The following RAB43 variants were observed in gnomAD, a reference collection of about 807,000 sequenced individuals.
RAB43 encodes RAB43, member RAS oncogene family, also known as ras-related protein Rab-43.
Under a neutral mutation model 18.8 loss-of-function variants are expected in RAB43, and 6 were observed. The ratio of observed to expected loss-of-function variants is 0.32; its 90% confidence interval spans 0.17 to 0.63. The LOEUF is 0.63. RAB43 is among the 30% of genes least tolerant of loss of function. The probability of loss-of-function intolerance (pLI) is 0.79; values close to 1 mark genes in which losing one functional copy is unlikely to be tolerated. For missense variants in RAB43, 195 were observed against 289.1 expected (o/e 0.67, Z 2.36); for synonymous variants, 103 against 124.1 (o/e 0.83, Z 1.13).
intron 1 of RAB43, among the ~76,000 whole-genome samples, chr3:129,104,042 CA>C (rs1934600374): frequency 6.6e-6 from 1 of 152,208 alleles, no homozygotes; most frequent in African/African-American, 2.4e-5. Context: ...TAGTTTTCTG[CA>C]ATCTGCATAG....
rs1207835581 is a variant in RAB43 at position 129,090,946 on chromosome 3, G to T, written c.*150C>A. On this transcript the variant is annotated 3_prime_UTR_variant, in exon 3 of 3. Transcript: ENST00000315150. Reference sequence around the variant, plus strand: ...CTTCCTCAAGGAGAGCCTCCATCCCGCAGCCAGGCCACAGGATGCAGAGCT... The same window carrying T: ...CTTCCTCAAGGAGAGCCTCCATCCCTCAGCCAGGCCACAGGATGCAGAGCT... The T allele has an allele frequency of 7.0e-6, 4 of 568,634 alleles. No individual in the cohort carries two copies. Among genetic ancestry groups the T allele is most frequent in the Middle Eastern group, 4.6e-4 (1 of 2,178 alleles). The allele number at this position is 568,634 out of a possible 1,614,324, so 35.2% of individuals were successfully genotyped here.
intron 2 of RAB43, among the ~76,000 whole-genome samples, chr3:129,092,011 T>C (rs1933699285): frequency 6.7e-6 from 1 of 149,892 alleles, no homozygotes; most frequent in Non-Finnish European, 1.5e-5. Context: ...TGAGCCGAGA[T>C]TGTGCCACTG....
intron 1 of RAB43, among the ~76,000 whole-genome samples, chr3:129,118,229 CTCTG>C (rs1935675408): frequency 6.6e-6 from 1 of 152,202 alleles, no homozygotes; most frequent in Non-Finnish European, 1.5e-5. Flanking sequence ...AGAGATGGGC[CTCTG>C]TCTGCCTCTC....
intron 1 of RAB43, among the ~76,000 whole-genome samples, chr3:129,110,198 T>A (rs1390095898): frequency 6.6e-6 from 1 of 152,158 alleles, no homozygotes; most frequent in Non-Finnish European, 1.5e-5. Flanking sequence ...AATTTAAACA[T>A]GAATTTAAAA....
chr3:129,119,283 C>T (rs374365424), intron 1 of RAB43, among the ~76,000 whole-genome samples: 54 of 152,342 alleles, frequency 3.5e-4, no homozygotes, highest in African/African-American at 1.2e-3. Flanking sequence ...TTCACGGCTG[C>T]CCAGCTTTAA....
In RAB43 at chr3:129,091,765, C is replaced by CA. The variant is rs199961275; in HGVS notation, c.389-420dup. On this transcript the variant is annotated intron_variant, in intron 2 of 2. Transcript: ENST00000315150. ...TTTTGTAATGTGGTTATAAGGAAGA[C>CA]AAAAAAAAAAAGAGTCTGGGCCAAG... Among the ~76,000 whole-genome samples, 714 of 140,238 alleles carry CA rather than the reference C, an allele frequency of 5.1e-3. 2 individuals are homozygous for CA. The highest frequency in any genetic ancestry group is 0.016 in the African/African-American group (606 of 38,472). 92.0% of individuals were successfully genotyped at this position (140,238 alleles called of 152,430 possible).
intron 1 of RAB43, among the ~76,000 whole-genome samples, chr3:129,106,195 A>G (rs1383218150): frequency 6.6e-6 from 1 of 152,220 alleles, no homozygotes; most frequent in Non-Finnish European, 1.5e-5. Context: ...ATGGAAACAG[A>G]GGAAGGTTTT....
At chr3:129,099,008 G>A (rs995081095) in intron 1 of RAB43, among the ~76,000 whole-genome samples, 1 of 152,028 alleles carries the variant, frequency 6.6e-6, no homozygotes, top group Non-Finnish European at 1.5e-5. Flanking sequence ...CAGAGGCAGA[G>A]GTTGCAGTGA....
intron 1 of RAB43, among the ~76,000 whole-genome samples, chr3:129,118,466 C>A (rs978278168): frequency 6.6e-6 from 1 of 152,100 alleles, no homozygotes; most frequent in East Asian, 1.9e-4. Context: ...CTAGTTAAAG[C>A]CCTTCTGACC....
At chr3:129,115,864 T>C (rs1414353492) in intron 1 of RAB43, among the ~76,000 whole-genome samples, 1 of 152,126 alleles carries the variant, frequency 6.6e-6, no homozygotes, top group Admixed American at 6.5e-5. Flanking sequence ...CTAGAAATAA[T>C]GCATAAGTCG....
At chr3:129,091,388 G>A (rs1933641422) in intron 2 of RAB43, 42 bp from the exon 3 acceptor site, 3 of 1,579,044 alleles carry the variant, frequency 1.9e-6, no homozygotes, top group African/African-American at 2.7e-5. Flanking sequence ...ATGGGGGCTG[G>A]GCAAGCCCAG....
intron 1 of RAB43, among the ~76,000 whole-genome samples, chr3:129,119,871 C>T (rs1391707278): frequency 6.6e-6 from 1 of 152,122 alleles, no homozygotes; most frequent in East Asian, 1.9e-4. Flanking sequence ...ATGAGGAGGA[C>T]ACCACTGCTC....
At position 129,107,311 on chromosome 3, in the gene RAB43, C is replaced by T. The variant is rs560034669; in HGVS notation, c.205-12142G>A. Among the ~76,000 whole-genome samples, 8 of 152,284 alleles carry T rather than the reference C, an allele frequency of 5.3e-5. No homozygotes were observed. The highest frequency in any genetic ancestry group is 4.1e-4 in the South Asian group (2 of 4,830). ...TGGCACCTCCTGCAGGAATCAAACC[C>T]GTTCCTGAACAGCTTGGATGAGAAA... is the stretch of plus-strand genomic sequence containing the variant. On this transcript the variant is annotated intron_variant, in intron 1 of 2. Coordinates refer to ENST00000315150, the MANE Select transcript of RAB43 (RefSeq NM_198490.3). This position sits in a 1 kb window ranked among gnomAD's most constrained non-coding sequence, Gnocchi z 4.2.
intron 1 of RAB43, among the ~76,000 whole-genome samples, chr3:129,101,163 T>C (rs1367032933): frequency 6.6e-6 from 1 of 152,238 alleles, no homozygotes; most frequent in Admixed American, 6.5e-5. Context: ...CAAACCCATG[T>C]GCCCAAGTGC....
At chr3:129,118,902 T>C (rs922014314) in intron 1 of RAB43, among the ~76,000 whole-genome samples, 5 of 152,202 alleles carry the variant, frequency 3.3e-5, no homozygotes, top group Non-Finnish European at 5.9e-5. Context: ...CTCTGGTTCA[T>C]CAAGGCTTTC....
At chr3:129,119,215 C>T (rs1282321887) in intron 1 of RAB43, among the ~76,000 whole-genome samples, 1 of 152,182 alleles carries the variant, frequency 6.6e-6, no homozygotes, top group African/African-American at 2.4e-5. Context: ...AAATGGCTTG[C>T]TCCTGCTGCG....
chr3:129,106,989 C>T (rs1934825891), intron 1 of RAB43, among the ~76,000 whole-genome samples: 1 of 152,202 alleles, frequency 6.6e-6, no homozygotes, highest in Non-Finnish European at 1.5e-5. Flanking sequence ...ACCCAGGAAG[C>T]ACAGTAACCC....
intron 1 of RAB43, among the ~76,000 whole-genome samples, chr3:129,109,995 G>C (rs192060147): frequency 6.6e-6 from 1 of 151,748 alleles, no homozygotes; most frequent in East Asian, 2.0e-4. Context: ...CTCCTGAGTA[G>C]CTGGGACTAC....
At position 129,095,108 on chromosome 3, in the gene RAB43, C is replaced by A; in HGVS notation, c.266G>T (p.Arg89Leu). ...GGCAAGGATGGCCCCATTGGCACTG[C>A]GGTAGTAGCTCTGGGTGATGGTGCG... is the stretch of plus-strand genomic sequence containing the variant. ...RFRTITQSYYRSANGAILAYD... is the reference protein window; with the variant it reads ...RFRTITQSYYLSANGAILAYD... The change falls in exon 2 of 3, where the codon CGC (arginine) becomes CTC (leucine). Residue 89 changes from arginine (R) to leucine (L), a missense_variant. By Grantham distance (102) the Arg-to-Leu change is moderately radical. Coordinates refer to ENST00000315150, the MANE Select transcript of RAB43 (RefSeq NM_198490.3). This position sits in a 1 kb window ranked among gnomAD's most constrained non-coding sequence, Gnocchi z 4.2. The A allele has an allele frequency of 6.2e-7, 1 of 1,613,892 alleles. No individual in the cohort carries two copies. Among genetic ancestry groups the A allele is most frequent in the Non-Finnish European group, 8.5e-7 (1 of 1,179,900 alleles).
Sources: gnomAD v4.1 joint callset for allele counts (sites outside exome capture counted in the v4.1 genomes callset) on GRCh38, gnomAD v4.1.1 for gene constraint, Gnocchi (gnomAD v3.1) non-coding constraint, MANE v1.5 for transcripts, NCBI Gene and HGNC (gene_info 2026-07-23, HGNC 2026-07-21) for gene names.